MYO5B: variants seen among roughly 807,000 people sequenced by gnomAD.
The protein encoded by MYO5B is myosin VB.
MYO5B carries 143 observed loss-of-function variants against 229.3 expected under a neutral mutation model. The ratio of observed to expected loss-of-function variants is 0.62; its 90% CI spans 0.54 to 0.72. MYO5B has a LOEUF of 0.72. Ranked by LOEUF, MYO5B falls within the 30% of genes least tolerant of loss-of-function variation. MYO5B has a pLI of 0.00. For synonymous variants in MYO5B, 918 were observed against 885.2 expected (o/e 1.04, Z -0.66); for missense variants, 2,321 against 2,331.0 (o/e 1.00, Z 0.09).
intron 5 of MYO5B, among the ~76,000 whole-genome samples, chr18:49,997,231 C>T (rs1210666131): frequency 7.4e-6 from 1 of 135,028 alleles, no homozygotes; most frequent in African/African-American, 2.9e-5. Context: ...CATGCCATTG[C>T]ACTTCCGCCT....
intron 19 of MYO5B, among the ~76,000 whole-genome samples, chr18:49,905,342 T>G (rs1194495759): frequency 6.6e-6 from 1 of 152,190 alleles, no homozygotes; most frequent in African/African-American, 2.4e-5. Context: ...CCTCAACCCT[T>G]TCTGCTCGGG....
In MYO5B at chr18:49,854,993, G is replaced by A. The variant is rs186015904; in HGVS notation, c.4023-1346C>T. 6.5e-3 allele frequency among the ~76,000 whole-genome samples: 991 copies of A among 152,260 alleles called. 3 individuals carry two copies. The highest frequency in any genetic ancestry group is 0.011 in the Non-Finnish European group (737 of 68,028). On this transcript the variant is annotated intron_variant, in intron 30 of 39. Coordinates refer to ENST00000285039, the MANE Select transcript of MYO5B (RefSeq NM_001080467.3). ...AGAAAATCACTCATTCACTACAGGC[G>A]ATATTACCTATTACTAAAGAAAAAT...
intron 1 of MYO5B, among the ~76,000 whole-genome samples, chr18:50,124,467 T>G (rs1339130911): frequency 6.6e-6 from 1 of 152,178 alleles, no homozygotes; most frequent in Non-Finnish European, 1.5e-5. Context: ...TCTGCTCTTC[T>G]ATTAAATGGA....
chr18:50,166,420 A>C (rs2032852868), intron 1 of MYO5B, among the ~76,000 whole-genome samples: 1 of 152,176 alleles, frequency 6.6e-6, no homozygotes, highest in Non-Finnish European at 1.5e-5. Flanking sequence ...AAATTTGCTA[A>C]CTCTTCTGTT....
intron 29 of MYO5B, 50 bp from the exon 30 acceptor site, chr18:49,856,940 C>T (rs376819082): frequency 1.4e-6 from 2 of 1,478,048 alleles, no homozygotes; most frequent in African/African-American, 1.4e-5. Flanking sequence ...ACGGAAGAGA[C>T]AGGCAGGCAG....
chr18:49,836,946 G>A, intron 37 of MYO5B, 61 bp from the exon 38 acceptor site: 1 of 1,538,632 alleles, frequency 6.5e-7, no homozygotes, highest in Non-Finnish European at 8.9e-7. Flanking sequence ...CTGAGAAGGG[G>A]ACACCTGTTG....
intron 2 of MYO5B, among the ~76,000 whole-genome samples, chr18:50,050,671 A>G (rs1362658286): frequency 6.6e-6 from 1 of 152,198 alleles, no homozygotes; most frequent in Admixed American, 6.5e-5. Context: ...GGCCTCAGAG[A>G]AACGCTTCTC....
intron 22 of MYO5B, among the ~76,000 whole-genome samples, chr18:49,883,157 C>T (rs532227623): frequency 6.6e-6 from 1 of 152,336 alleles, no homozygotes; most frequent in East Asian, 1.9e-4. Flanking sequence ...TTCTATTCAG[C>T]ATTGTACTGA....
intron 12 of MYO5B, among the ~76,000 whole-genome samples, chr18:49,958,363 T>C (rs924541133): frequency 6.6e-6 from 1 of 152,222 alleles, no homozygotes; most frequent in Non-Finnish European, 1.5e-5. Context: ...TCTTTCTGTT[T>C]ACTGGGCAGC....
intron 1 of MYO5B, among the ~76,000 whole-genome samples, chr18:50,193,562 T>G (rs571905133): frequency 6.6e-6 from 1 of 152,230 alleles, no homozygotes; most frequent in Non-Finnish European, 1.5e-5. Context: ...GACGCGGAAG[T>G]GACTGTTCCT....
chr18:49,933,236 T>C (rs2025213747), intron 16 of MYO5B, among the ~76,000 whole-genome samples: 2 of 152,114 alleles, frequency 1.3e-5, no homozygotes, highest in South Asian at 4.2e-4. Flanking sequence ...AGTGACCAGG[T>C]CCTCCACAAA....
At chr18:50,014,716 G>A (rs913898756) in intron 4 of MYO5B, among the ~76,000 whole-genome samples, 1 of 152,208 alleles carries the variant, frequency 6.6e-6, no homozygotes, top group African/African-American at 2.4e-5. Flanking sequence ...TTCTCTCCCT[G>A]TAGGATGGGA....
chr18:50,147,304 G>T (rs559426417), intron 1 of MYO5B, among the ~76,000 whole-genome samples: 157 of 152,246 alleles, frequency 1.0e-3, no homozygotes, highest in Non-Finnish European at 1.9e-3. Context: ...CACCCAGTGA[G>T]TCTGAAGGTC....
At chr18:50,026,312 CTG>C (rs148491421) in intron 4 of MYO5B, among the ~76,000 whole-genome samples, 152,392 of 152,396 alleles carry the variant, frequency 1, 76,194 homozygotes, top group Non-Finnish European at 1. Context: ...TGTCTGTAAA[CTG>C]TAAAAGGGCA....
At chr18:50,020,311 T>C (rs182143076) in intron 4 of MYO5B, among the ~76,000 whole-genome samples, 428 of 152,298 alleles carry the variant, frequency 2.8e-3, no homozygotes, top group Admixed American at 4.3e-3. Flanking sequence ...CTACTATGCA[T>C]TAAGATGACA....
At chr18:49,879,647 T>C (rs574993767) in intron 23 of MYO5B, among the ~76,000 whole-genome samples, 1 of 152,350 alleles carries the variant, frequency 6.6e-6, no homozygotes, top group African/African-American at 2.4e-5. Flanking sequence ...TGAGGTCATG[T>C]GGTTCCATCC....
chr18:50,183,330 T>TAC (rs1316267623), intron 1 of MYO5B, among the ~76,000 whole-genome samples: 1 of 111,870 alleles, frequency 8.9e-6, no homozygotes, highest in Non-Finnish European at 2.0e-5. Flanking sequence ...TATATATATA[T>TAC]ATATATATCT....
At chr18:49,954,741 C>T (rs2025473168) in intron 12 of MYO5B, among the ~76,000 whole-genome samples, 1 of 152,200 alleles carries the variant, frequency 6.6e-6, no homozygotes, top group South Asian at 2.1e-4. Flanking sequence ...GGAGCAGAGT[C>T]ACAGCCTGCA....
chr18:50,104,265 G>GATATAA (rs1555659350), intron 1 of MYO5B, among the ~76,000 whole-genome samples: 2 of 134,572 alleles, frequency 1.5e-5, no homozygotes, highest in Non-Finnish European at 3.1e-5. Flanking sequence ...ATCTATACAT[G>GATATAA]ATATATATAT....
Sources: allele counts gnomAD v4.1 joint callset (sites outside exome capture counted in the v4.1 genomes callset), GRCh38; gene constraint gnomAD v4.1.1; transcripts MANE v1.5; gene names NCBI Gene and HGNC (gene_info 2026-07-23, HGNC 2026-07-21).